LMO3: variants seen among roughly 807,000 people sequenced by gnomAD.
The protein encoded by LMO3 is LIM domain only protein 3.
A neutral mutation model predicts 15.8 loss-of-function variants in LMO3; 2 were observed. The observed-to-expected ratio is 0.13, with a 90% CI of 0.05 to 0.40. The LOEUF (loss-of-function observed/expected upper bound fraction) is 0.40, where lower values mean the gene tolerates loss of function less well. Among genes scored for constraint, LMO3 ranks in the 10% least tolerant of loss-of-function variants. The probability of loss-of-function intolerance (pLI) is 0.99; values close to 1 mark genes in which losing one functional copy is unlikely to be tolerated. For missense variants in LMO3, 86 were observed against 182.2 expected (o/e 0.47, Z 3.04); for synonymous variants, 62 against 63.8 (o/e 0.97, Z 0.13).
upstream of LMO3, chr12:16,608,358 T>C (rs1035013223): frequency 6.6e-6 from 1 of 152,180 alleles, no homozygotes; most frequent in Non-Finnish European, 1.5e-5. This position sits in a 1 kb window ranked among gnomAD's most constrained non-coding sequence, Gnocchi z 4.1. Context: ...TATGATCTGT[T>C]ACCCCTCGCT....
chr12:16,589,598 T>A lies in LMO3; in HGVS notation c.206+11057A>T, dbSNP rs1416090624. 1 of 152,108 alleles carries A rather than the reference T, an allele frequency of 6.6e-6. No homozygotes were observed. The highest frequency in any genetic ancestry group is 6.6e-5 in the Admixed American group (1 of 15,260). 9.4% of individuals were successfully genotyped at this position (152,108 alleles called of 1,614,324 possible). ...CATATTTAATCAAATAAGCACATCA[T>A]CTCTATTATAAAGACAGTGGTTTGT... On this transcript the variant is annotated intron_variant, in intron 2 of 3. Coordinates refer to ENST00000537304, the MANE Select transcript of LMO3 (RefSeq NM_018640.5). This position sits in a 1 kb window ranked among gnomAD's most constrained non-coding sequence, Gnocchi z 4.2.
rs1002765840 is a variant in LMO3 at position 16,603,956 on chromosome 12, T to C, written c.-9+2110A>G. On this transcript the variant is annotated intron_variant, in intron 1 of 3. Coordinates refer to ENST00000537304, the MANE Select transcript of LMO3 (RefSeq NM_018640.5). The surrounding 1 kb of genome is among the most constrained non-coding windows in gnomAD (Gnocchi z 4.9). ...CCGTCGGAAAATTCACAGAGAACAA[T>C]TTGGGAGAGGGAAGAGGAAGAGGGA... 1.3e-5 allele frequency among the ~76,000 whole-genome samples: 2 copies of C among 151,970 alleles called. No homozygotes were observed. The highest frequency in any genetic ancestry group is 4.2e-4 in the South Asian group (2 of 4,810).
Position 16,560,577 on chromosome 12 carries a change from A to G in LMO3, c.207-39T>C. The G allele has an allele frequency of 6.3e-7, 1 of 1,582,368 alleles. No homozygotes were observed. Among genetic ancestry groups the G allele is most frequent in the South Asian group, 1.1e-5 (1 of 88,542 alleles). On this transcript the variant is annotated intron_variant, in intron 2 of 3. Transcript: ENST00000537304. This position sits in a 1 kb window ranked among gnomAD's most constrained non-coding sequence, Gnocchi z 5.0. ...CATTTTTTTTTTTTTACAAACTCTT[A>G]CAGAGAAATCTGAGATCGTGAAGAG...
At chr12:16,574,137 A>G (rs1039075368) in intron 2 of LMO3, among the ~76,000 whole-genome samples, 7 of 152,176 alleles carry the variant, frequency 4.6e-5, no homozygotes, top group African/African-American at 1.2e-4. Flanking sequence ...CATTATAAAA[A>G]TGCAACACCA....
chr12:16,569,513 C>G (rs567422441), intron 2 of LMO3, among the ~76,000 whole-genome samples: 2 of 152,228 alleles, frequency 1.3e-5, no homozygotes, highest in Non-Finnish European at 2.9e-5. Flanking sequence ...CAAAGCCTTA[C>G]GAGCAGGTGT....
upstream of LMO3, chr12:16,609,113 C>G (rs2137763918): frequency 6.6e-6 from 1 of 151,988 alleles, no homozygotes; most frequent in East Asian, 1.9e-4. Context: ...TCAGAAAAAC[C>G]CCGTGCAGAT....
chr12:16,552,667 T>C (rs1426464106), intron 3 of LMO3, among the ~76,000 whole-genome samples: 1 of 152,092 alleles, frequency 6.6e-6, no homozygotes, highest in African/African-American at 2.4e-5. Context: ...TTTACTTTTT[T>C]TCCCCAGGAT....
chr12:16,568,071 A>G (rs919539576), intron 2 of LMO3, among the ~76,000 whole-genome samples: 4 of 152,224 alleles, frequency 2.6e-5, no homozygotes, highest in Non-Finnish European at 4.4e-5. Context: ...ACTGGCAACA[A>G]TAGAAAATAA....
Position 16,584,718 on chromosome 12 carries a change from A to G in LMO3, c.206+15937T>C, listed in dbSNP as rs1943264433. On this transcript the variant is annotated intron_variant, in intron 2 of 3. Coordinates refer to ENST00000537304, the MANE Select transcript of LMO3 (RefSeq NM_018640.5). This position sits in a 1 kb window ranked among gnomAD's most constrained non-coding sequence, Gnocchi z 5.2. The stretch of plus-strand genomic sequence containing the variant: ...GCTGCCATGAAGTTCAAGAAACAGC[A>G]AGAGATTTCTTTTATCAGGACGGGC... Among the ~76,000 whole-genome samples the G allele has an allele frequency of 6.6e-6, 1 of 152,144 alleles. No individual in the cohort carries two copies. Among genetic ancestry groups the G allele is most frequent in the Admixed American group, 6.6e-5 (1 of 15,262 alleles).
chr12:16,609,378 G>A (rs145080108), upstream of LMO3: 2 of 152,310 alleles, frequency 1.3e-5, no homozygotes, highest in East Asian at 1.9e-4. Flanking sequence ...ACTCAGCCAA[G>A]CTAAAGGTTG....
intron 2 of LMO3, among the ~76,000 whole-genome samples, chr12:16,575,292 C>A (rs753759022): frequency 2.6e-5 from 4 of 152,162 alleles, no homozygotes; most frequent in Non-Finnish European, 4.4e-5. Flanking sequence ...AATTTCCACA[C>A]ACTAAACGTC....
chr12:16,574,425 C>T lies in LMO3; in HGVS notation c.207-13887G>A, dbSNP rs535575448. Among the ~76,000 whole-genome samples the T allele has an allele frequency of 3.3e-5, 5 of 152,192 alleles. No homozygotes were observed. The South Asian group carries it at 1.0e-3, about 32-fold the overall frequency. On this transcript the variant is annotated intron_variant, in intron 2 of 3. Transcript: ENST00000537304. Reference sequence around the variant, plus strand: ...CAGTCACGGATTTGCTGCTCTCCAACCTAAAATCTCCTGTGACAGATGGCA... The same window carrying T: ...CAGTCACGGATTTGCTGCTCTCCAATCTAAAATCTCCTGTGACAGATGGCA...
rs144903799 is a variant in LMO3 at position 16,567,128 on chromosome 12, G to A, written c.207-6590C>T. 1.9e-4 allele frequency among the ~76,000 whole-genome samples: 29 copies of A among 152,192 alleles called. 1 individual carries two copies. The highest frequency in any genetic ancestry group is 4.1e-4 in the South Asian group (2 of 4,820). Reference sequence around the variant, plus strand: ...GGAGAATCACTTGAACCTGCGAGGCGGAGGTTGCAGTGAGCTGAGATCGTG... The same window carrying A: ...GGAGAATCACTTGAACCTGCGAGGCAGAGGTTGCAGTGAGCTGAGATCGTG... On this transcript the variant is annotated intron_variant, in intron 2 of 3. Transcript: ENST00000537304.
upstream of LMO3, chr12:16,607,328 C>A (rs183704069): frequency 2.6e-5 from 4 of 152,230 alleles, no homozygotes; most frequent in Admixed American, 2.6e-4. Flanking sequence ...AAACAGCCAA[C>A]AGCACTGAGA....
chr12:16,571,935 G>C (rs1415135928), intron 2 of LMO3, among the ~76,000 whole-genome samples: 1 of 151,870 alleles, frequency 6.6e-6, no homozygotes, highest in East Asian at 1.9e-4. Flanking sequence ...TTTTAAATTT[G>C]TGAATCCTTA....
In LMO3 at chr12:16,555,127, G is replaced by A. The variant is rs1565480455; in HGVS notation, c.333-3800C>T. ...TGAGTACATGTAAAACACTCAGAAC[G>A]GTGTTTGGTGTTTGACTAATACTTT... On this transcript the variant is annotated intron_variant, in intron 3 of 3. Coordinates refer to ENST00000537304, the MANE Select transcript of LMO3 (RefSeq NM_018640.5). This position sits in a 1 kb window ranked among gnomAD's most constrained non-coding sequence, Gnocchi z 5.5. 1.3e-5 allele frequency among the ~76,000 whole-genome samples: 2 copies of A among 152,086 alleles called. No homozygotes were observed.
At chr12:16,565,041 T>G (rs570372181) in intron 2 of LMO3, among the ~76,000 whole-genome samples, 1 of 152,276 alleles carries the variant, frequency 6.6e-6, no homozygotes, top group East Asian at 1.9e-4. Context: ...CCTCCCAACT[T>G]GGCCTCCCAA....
At chr12:16,570,267 T>C (rs1001749164) in intron 2 of LMO3, among the ~76,000 whole-genome samples, 1 of 152,174 alleles carries the variant, frequency 6.6e-6, no homozygotes, top group African/African-American at 2.4e-5. Flanking sequence ...CATTGAAGTC[T>C]TTTGATATCT....
At chr12:16,601,713 T>C (rs1423248149) in intron 1 of LMO3, 8 of 152,134 alleles carry the variant, frequency 5.3e-5, no homozygotes, top group Non-Finnish European at 1.5e-5. Context: ...TAAGTAAATA[T>C]ATACATGTTA....
Sources: allele counts gnomAD v4.1 joint callset (sites outside exome capture counted in the v4.1 genomes callset), GRCh38; gene constraint gnomAD v4.1.1; non-coding constraint Gnocchi (gnomAD v3.1); transcripts MANE v1.5; gene names NCBI Gene and HGNC (gene_info 2026-07-23, HGNC 2026-07-21).